The following ACTL6A variants were observed in gnomAD, a reference collection of about 807,000 sequenced individuals.
ACTL6A encodes the protein actin-like protein 6A.
In ACTL6A, 5 loss-of-function variants were observed where a neutral mutation model predicts 59.2. That is an observed-to-expected ratio of 0.08 (90% CI 0.04 to 0.18). The LOEUF is 0.18. Ranked by LOEUF, ACTL6A falls within the 10% of genes least tolerant of loss-of-function variation. ACTL6A has a pLI of 1.00. For synonymous variants in ACTL6A, 154 were observed against 171.8 expected, an observed-to-expected ratio of 0.90 and a Z score of 0.81; for missense variants, 285 against 526.9, an observed-to-expected ratio of 0.54 and a Z score of 4.49.
chr3:179,574,531 T>C (rs1718108745), intron 5 of ACTL6A, 64 bp downstream of exon 5: 1 of 1,175,546 alleles, frequency 8.5e-7, no homozygotes. Context: ...ATATGATAAC[T>C]CTGGGAGAAG....
rs989902451 is a variant in ACTL6A, at chr3:179,570,499, A to G, written c.277+258A>G. On this transcript the variant is annotated intron_variant, in intron 3 of 13. Transcript: ENST00000429709. The surrounding 1 kb of genome is among the most constrained non-coding windows in gnomAD (Gnocchi z 4.3). Reference sequence around the variant, plus strand: ...TACACTGTGGGATAAGTGGTACAATATAGGTATGTGCAATGAGCAATGGGA... The same window carrying G: ...TACACTGTGGGATAAGTGGTACAATGTAGGTATGTGCAATGAGCAATGGGA... 2 of 319,316 alleles carry G rather than the reference A, an allele frequency of 6.3e-6. No individual in the cohort carries two copies. Among genetic ancestry groups the G allele is most frequent in the Non-Finnish European group, 5.8e-6 (1 of 172,932 alleles). 19.8% of individuals were successfully genotyped at this position (319,316 alleles called of 1,614,324 possible).
At chr3:179,572,191 TAAAAGG>T (rs1718027750) in intron 3 of ACTL6A, among the ~76,000 whole-genome samples, 1 of 151,810 alleles carries the variant, frequency 6.6e-6, no homozygotes, top group African/African-American at 2.4e-5. Context: ...CAATAGAGAA[TAAAAGG>T]TACCCTTGAA....
chr3:179,568,432 T>C (rs1171684935), intron 1 of ACTL6A, among the ~76,000 whole-genome samples: 2 of 152,146 alleles, frequency 1.3e-5, no homozygotes, highest in African/African-American at 4.8e-5. Flanking sequence ...AATAAAAATG[T>C]TATTGATACA....
chr3:179,574,684 G>C (rs1718113018), intron 5 of ACTL6A: 2 of 409,226 alleles, frequency 4.9e-6, no homozygotes, highest in Admixed American at 4.1e-5. Context: ...CAAATTCTGA[G>C]TGTTAAGACG....
At chr3:179,577,023 T>G (rs992010798) in intron 8 of ACTL6A, 110 bp downstream of exon 8, 1 of 692,642 alleles carries the variant, frequency 1.4e-6, no homozygotes, top group Non-Finnish European at 2.3e-6. Context: ...GCACTTTATA[T>G]TTTCAAGCTC....
intron 5 of ACTL6A, 23 bp from the exon 6 acceptor site, chr3:179,576,194 T>C (rs1718160904): frequency 6.3e-7 from 1 of 1,583,370 alleles, no homozygotes; most frequent in Non-Finnish European, 8.7e-7. Flanking sequence ...TGATACTTTC[T>C]TTTCCTTAAT....
intron 3 of ACTL6A, chr3:179,573,128 C>T: frequency 3.1e-6 from 1 of 327,548 alleles, no homozygotes; most frequent in Non-Finnish European, 5.4e-6. Context: ...TATTTTAGGT[C>T]TGTTAGATTA....
Position 179,573,440 on chromosome 3 carries a change from C to A in ACTL6A, c.349C>A (p.Leu117Ile). The A allele has an allele frequency of 6.3e-7, 1 of 1,588,664 alleles. No homozygotes were observed. Among genetic ancestry groups the A allele is most frequent in the Non-Finnish European group, 8.5e-7 (1 of 1,170,806 alleles). The change falls in exon 4 of 14, where the codon CTC becomes ATC. Residue 117 changes from leucine to isoleucine, a missense_variant. Leu to Ile is a conservative substitution (Grantham distance 5, BLOSUM62 2). Coordinates refer to ENST00000429709, the MANE Select transcript of ACTL6A (RefSeq NM_004301.5). ...AATGCATGTCAAATCAGAAGCCAGTCTCCATCCTGTTCTCATGTCAGAGGC... is the reference window on the plus strand; with the variant it reads ...AATGCATGTCAAATCAGAAGCCAGTATCCATCCTGTTCTCATGTCAGAGGC... ...YKMHVKSEAS[L>I]HPVLMSEAPW... is the part of the protein sequence containing the mutation.
rs34740204 is a variant in ACTL6A, at chr3:179,581,170, A to G, written c.976A>G (p.Ser326Gly). 6.2e-5 allele frequency: 100 copies of G among 1,614,098 alleles called. No homozygotes were observed. In the African/African-American group the frequency reaches 1.2e-3, roughly 19 times the overall value. Residue 326 changes from serine to glycine, a missense_variant, in exon 11 of 14, where the codon AGT (serine) becomes GGT (glycine). Physicochemically the swap from Ser to Gly is moderately conservative, Grantham distance 56. Coordinates refer to ENST00000429709, the MANE Select transcript of ACTL6A (RefSeq NM_004301.5). Reference sequence around the variant, plus strand: ...ATCAGGAAACACAATGTTAGGAGTCAGTCATGTTGTCACCACAAGTGTTGG... The same window carrying G: ...ATCAGGAAACACAATGTTAGGAGTCGGTCATGTTGTCACCACAAGTGTTGG... ...GLSGNTMLGV[S>G]HVVTTSVGMC...
intron 8 of ACTL6A, among the ~76,000 whole-genome samples, chr3:179,579,036 C>T (rs1443800938): frequency 6.6e-6 from 1 of 152,192 alleles, no homozygotes; most frequent in East Asian, 1.9e-4. Flanking sequence ...AGCCACTGTG[C>T]CCGGCCCTAT....
intron 8 of ACTL6A, among the ~76,000 whole-genome samples, chr3:179,578,805 A>T (rs538773559): frequency 2.0e-5 from 3 of 152,178 alleles, no homozygotes; most frequent in Non-Finnish European, 4.4e-5. Context: ...TTGCTTTGTC[A>T]CCCAGGCTGG....
At chr3:179,567,795 G>A (rs745395643) in intron 1 of ACTL6A, among the ~76,000 whole-genome samples, 6 of 152,140 alleles carry the variant, frequency 3.9e-5, no homozygotes, top group Admixed American at 6.5e-5. Flanking sequence ...ATTTCACAGG[G>A]AAGGGTTAAT....
rs1440843865 is a variant in ACTL6A at position 179,574,622 on chromosome 3, C to G, written c.476+155C>G. 2.7e-5 allele frequency: 17 copies of G among 628,966 alleles called. No homozygotes were observed. The East Asian group carries it at 4.3e-4, about 16-fold the overall frequency. The allele number at this position is 628,966 out of a possible 1,614,324, so 39.0% of individuals were successfully genotyped here. A position where few individuals can be genotyped will look rare whatever the true frequency, so the allele number is the denominator to read the frequency against. ...TTTAGCTATTCATCTTTTAGTATTT[C>G]TTGTTAGAACTGATGATACACCAGA... On this transcript the variant is annotated intron_variant, in intron 5 of 13. Coordinates refer to ENST00000429709, the MANE Select transcript of ACTL6A (RefSeq NM_004301.5).
chr3:179,579,037 C>T (rs1395800378), intron 8 of ACTL6A, among the ~76,000 whole-genome samples: 1 of 152,176 alleles, frequency 6.6e-6, no homozygotes, highest in East Asian at 1.9e-4. Flanking sequence ...GCCACTGTGC[C>T]CGGCCCTATT....
At chr3:179,563,159 G>T in intron 1 of ACTL6A, 42 bp downstream of exon 1, 1 of 1,592,904 alleles carries the variant, frequency 6.3e-7, no homozygotes. Context: ...CCTTTTCGGC[G>T]TGTGGGGTTT....
At chr3:179,566,250 G>T (rs1178303380) in intron 1 of ACTL6A, among the ~76,000 whole-genome samples, 2 of 152,064 alleles carry the variant, frequency 1.3e-5, no homozygotes, top group African/African-American at 4.8e-5. Flanking sequence ...GAGAGAGAGA[G>T]ATTTGAAATT....
chr3:179,585,843 GAGTC>G lies in ACTL6A; in HGVS notation c.1123-700_1123-697del, dbSNP rs142041425. ...AAATTGTGTTATCAAGAGAAAATGA[GAGTC>G]AGAACAGAAGCACTAATTTGGAAGG... is the stretch of plus-strand genomic sequence containing the variant. On this transcript the variant is annotated intron_variant, in intron 12 of 13. Transcript: ENST00000429709. 3.1e-3 allele frequency among the ~76,000 whole-genome samples: 470 copies of G among 152,272 alleles called. 3 individuals are homozygous for G. The highest frequency in any genetic ancestry group is 0.011 in the African/African-American group (450 of 41,540).
rs1183236460 is a variant in ACTL6A at position 179,569,888 on chromosome 3, G to A, written c.90G>A (p.Glu30=). The change falls in exon 2 of 14, where the codon GAG becomes GAA. Residue 30 remains glutamate (E), a synonymous_variant. Coordinates refer to ENST00000429709, the MANE Select transcript of ACTL6A (RefSeq NM_004301.5). The stretch of plus-strand genomic sequence containing the variant: ...CTGTGAGAGCTGGTTATGCTGGTGA[G>A]GACTGCCCCAAGGTAAGTGTAATGT... ...SYTVRAGYAG[E]DCPKVDFPTA... The A allele has an allele frequency of 1.2e-6, 2 of 1,614,070 alleles. No homozygotes were observed. Among genetic ancestry groups the A allele is most frequent in the East Asian group, 4.5e-5 (2 of 44,886 alleles).
At chr3:179,569,975 C>T (rs1016928672) in intron 2 of ACTL6A, 75 bp downstream of exon 2, 7 of 1,577,294 alleles carry the variant, frequency 4.4e-6, no homozygotes, top group Non-Finnish European at 6.0e-6. Flanking sequence ...AATTCTGATT[C>T]AAAACAAAAT....
Sources: gnomAD v4.1 joint callset for allele counts (sites outside exome capture counted in the v4.1 genomes callset) on GRCh38, gnomAD v4.1.1 for gene constraint, Gnocchi (gnomAD v3.1) non-coding constraint, MANE v1.5 for transcripts, NCBI Gene and HGNC (gene_info 2026-07-23, HGNC 2026-07-21) for gene names.